The following RYR3 variants were observed in gnomAD, a reference collection of about 807,000 sequenced individuals.
RYR3 encodes ryanodine receptor 3.
Under a neutral mutation model 584.3 loss-of-function variants are expected in RYR3, and 207 were observed. The observed-to-expected ratio is 0.35, with a 90% confidence interval of 0.32 to 0.40. RYR3 has a LOEUF of 0.40. Ranked by LOEUF, RYR3 falls within the 10% of genes least tolerant of loss-of-function variation. The pLI is 1.00. For synonymous variants in RYR3, 2,416 were observed against 2,248.5 expected (o/e 1.07, Z -2.11); for missense variants, 5,616 against 6,089.2 (o/e 0.92, Z 2.59).
chr15:33,369,976 A>G (rs114433018), intron 1 of RYR3, among the ~76,000 whole-genome samples: 287 of 152,370 alleles, frequency 1.9e-3, no homozygotes, highest in African/African-American at 6.1e-3. Context: ...TGCCTAGCAC[A>G]TGGAAAATGC....
chr15:33,780,694 G>T (rs556993402), intron 65 of RYR3, among the ~76,000 whole-genome samples: 2 of 152,132 alleles, frequency 1.3e-5, no homozygotes, highest in Non-Finnish European at 2.9e-5. Context: ...CTCCAGAGTG[G>T]TATCAGAAGG....
rs769204969 is a variant in RYR3 at position 33,848,826 on chromosome 15, CTTTTTTTTTT to C, written c.13628+423_13628+432del. ...CTATAACTGCCATCTCTGAAGTCCTCTTTTTTTTTTTTTTTTTTTTTTTTTTTGAGACAGA... is the reference window on the plus strand; with the variant it reads ...CTATAACTGCCATCTCTGAAGTCCTCTTTTTTTTTTTTTTTTTGAGACAGA... On this transcript the variant is annotated intron_variant, in intron 94 of 103. Coordinates refer to ENST00000634891, the MANE Select transcript of RYR3 (RefSeq NM_001036.6). Among the ~76,000 whole-genome samples the C allele has an allele frequency of 1.6e-3, 117 of 75,254 alleles. 1 individual carries two copies. In the East Asian group the frequency reaches 0.04, roughly 26 times the overall value. 49.4% of individuals were successfully genotyped at this position (75,254 alleles called of 152,430 possible).
Position 33,649,242 on chromosome 15 carries a change from G to A in RYR3, c.4142+7G>A. 1 of 1,608,332 alleles carries A rather than the reference G, an allele frequency of 6.2e-7. No individual in the cohort carries two copies. The highest frequency in any genetic ancestry group is 1.3e-5 in the African/African-American group (1 of 74,974). On this transcript the variant is annotated splice_region_variant and intron_variant, in intron 31 of 103. Coordinates refer to ENST00000634891, the MANE Select transcript of RYR3 (RefSeq NM_001036.6). ...GAGGCCGGGTCCATGAAAGGTAAGG[G>A]GGCTCCCAAGTGGCAGGGTTAGCCA...
At chr15:33,606,954 T>C (rs928197054) in intron 18 of RYR3, among the ~76,000 whole-genome samples, 1 of 152,166 alleles carries the variant, frequency 6.6e-6, no homozygotes, top group African/African-American at 2.4e-5. Flanking sequence ...CTCCTCAAGA[T>C]AATTTACCTC....
At chr15:33,795,385 T>C (rs1046515844) in intron 67 of RYR3, among the ~76,000 whole-genome samples, 80 of 70,648 alleles carry the variant, frequency 1.1e-3, no homozygotes, top group African/African-American at 2.5e-3. Flanking sequence ...CTTTTCTTTT[T>C]TTTTTTTTTT....
At chr15:33,367,533 C>T (rs996517638) in intron 1 of RYR3, among the ~76,000 whole-genome samples, 4 of 152,106 alleles carry the variant, frequency 2.6e-5, no homozygotes, top group East Asian at 3.8e-4. Context: ...TATAAGAGTG[C>T]CCTGTGGTGA....
chr15:33,685,019 A>G lies in RYR3; in HGVS notation c.5861-11199A>G, dbSNP rs146213949. Among the ~76,000 whole-genome samples, 782 of 152,362 alleles carry G rather than the reference A, an allele frequency of 5.1e-3. 5 individuals are homozygous for G. Among genetic ancestry groups the G allele is most frequent in the African/African-American group, 0.018 (748 of 41,578 alleles). On this transcript the variant is annotated intron_variant, in intron 38 of 103. Coordinates refer to ENST00000634891, the MANE Select transcript of RYR3 (RefSeq NM_001036.6). Reference sequence around the variant, plus strand: ...CCAAATTGTAAAGACCATTGATGCTATGAAGAAACTGTATCAATTAACAGG... The same window carrying G: ...CCAAATTGTAAAGACCATTGATGCTGTGAAGAAACTGTATCAATTAACAGG...
intron 1 of RYR3, among the ~76,000 whole-genome samples, chr15:33,362,371 C>G (rs926126902): frequency 2.0e-5 from 3 of 152,240 alleles, no homozygotes; most frequent in African/African-American, 7.2e-5. Context: ...GCCTGGCACA[C>G]AGCAACCACT....
At chr15:33,640,620 C>T (rs893180457) in intron 27 of RYR3, among the ~76,000 whole-genome samples, 7 of 152,182 alleles carry the variant, frequency 4.6e-5, no homozygotes, top group South Asian at 2.1e-4. Flanking sequence ...TATAAGATTA[C>T]CCCCCTGCTC....
chr15:33,466,711 ATTCCT>A (rs1336031268), intron 1 of RYR3, among the ~76,000 whole-genome samples: 1 of 152,262 alleles, frequency 6.6e-6, no homozygotes, highest in African/African-American at 2.4e-5. Context: ...GGTATCATAG[ATTCCT>A]TTAAGAAGGA....
intron 18 of RYR3, 85 bp from the exon 19 acceptor site, chr15:33,613,098 C>A: frequency 1.0e-6 from 1 of 986,510 alleles, no homozygotes; most frequent in Non-Finnish European, 1.6e-6. Flanking sequence ...CACCTCCCCA[C>A]CTCCCGCAGA....
chr15:33,761,387 A>G (rs1482806049), intron 60 of RYR3, among the ~76,000 whole-genome samples: 2 of 152,216 alleles, frequency 1.3e-5, no homozygotes, highest in Admixed American at 1.3e-4. Context: ...AGAAGAATCA[A>G]ATAGACACAA....
At chr15:33,651,908 C>G (rs8030043) in intron 31 of RYR3, among the ~76,000 whole-genome samples, 12,950 of 152,238 alleles carry the variant, frequency 0.085, 1,179 homozygotes, top group African/African-American at 0.23. Flanking sequence ...CTCTTGCCCA[C>G]GGTGGGGGGC....
At chr15:33,758,013 T>C (rs1596461463) in intron 60 of RYR3, among the ~76,000 whole-genome samples, 1 of 151,854 alleles carries the variant, frequency 6.6e-6, no homozygotes, top group Non-Finnish European at 1.5e-5. Context: ...CAGGGTGGGG[T>C]GTTGCCTCAC....
In RYR3 at chr15:33,820,766, G is replaced by A; in HGVS notation, c.10769G>A (p.Ser3590Asn). Residue 3590 changes from serine (S) to asparagine (N), a missense_variant, in exon 78 of 104, where the codon AGT becomes AAT. Physicochemically the swap from Ser to Asn is conservative, Grantham distance 46. This residue lies in a region of RYR3 where 954 missense variants were observed against 1,132.2 expected (regional missense o/e 0.84). Transcript: ENST00000634891. The part of the protein sequence containing the change: ...YSSMMAKSCQ[S>N]GEDEEEDEDK... ...CTCCATGAAATCCAGAGTTGTCAAA[G>A]TGGTGAGGATGAAGAAGAAGATGAA... 1.2e-6 allele frequency: 2 copies of A among 1,606,264 alleles called. No homozygotes were observed. The highest frequency in any genetic ancestry group is 1.7e-6 in the Non-Finnish European group (2 of 1,176,328).
chr15:33,351,179 C>T (rs1312699644), intron 1 of RYR3, among the ~76,000 whole-genome samples: 6 of 152,122 alleles, frequency 3.9e-5, no homozygotes, highest in Admixed American at 6.5e-5. Flanking sequence ...ATAAACTCCT[C>T]GACACATACA....
At chr15:33,336,484 G>GAGAGAGAA (rs1567047195) in intron 1 of RYR3, among the ~76,000 whole-genome samples, 1 of 22,376 alleles carries the variant, frequency 4.5e-5, no homozygotes, top group Non-Finnish European at 7.2e-5. Context: ...GAGAGAGAGA[G>GAGAGAGAA]AGAAAGAAAG....
At chr15:33,639,139 C>T (rs1489846252) in intron 27 of RYR3, among the ~76,000 whole-genome samples, 1 of 152,150 alleles carries the variant, frequency 6.6e-6, no homozygotes, top group East Asian at 1.9e-4. Context: ...TTGAGCATAA[C>T]CCGGCTTTGA....
intron 2 of RYR3, among the ~76,000 whole-genome samples, chr15:33,491,769 C>T (rs1366388545): frequency 2.6e-5 from 4 of 152,142 alleles, no homozygotes; most frequent in Non-Finnish European, 4.4e-5. Context: ...TAGCATTAGA[C>T]GTGGTATTTC....
Sources: allele counts gnomAD v4.1 joint callset (sites outside exome capture counted in the v4.1 genomes callset), GRCh38; gene constraint gnomAD v4.1.1; regional missense constraint gnomAD v4.1.1; transcripts MANE v1.5; gene names NCBI Gene and HGNC (gene_info 2026-07-23, HGNC 2026-07-21).